SYT1: variants seen among roughly 807,000 people sequenced by gnomAD.
SYT1 encodes the protein synaptotagmin-1.
In SYT1, 8 loss-of-function variants were observed where a neutral mutation model predicts 44.8. The observed-to-expected ratio is 0.18, with a 90% confidence interval of 0.10 to 0.32. SYT1 has a LOEUF of 0.32. Ranked by LOEUF, SYT1 falls within the 10% of genes least tolerant of loss-of-function variation. The pLI is 1.00. For missense variants in SYT1, 286 were observed against 509.3 expected (o/e 0.56, Z 4.22); for synonymous variants, 154 against 188.8 (o/e 0.82, Z 1.51).
At chr12:79,099,620 CA>C (rs1480936284) in intron 3 of SYT1, among the ~76,000 whole-genome samples, 1 of 151,596 alleles carries the variant, frequency 6.6e-6, no homozygotes, top group Admixed American at 6.6e-5. Context: ...TCATTTCTAA[CA>C]ATGTGAAGAA....
At chr12:79,324,997 A>C (rs2138992510) in intron 8 of SYT1, among the ~76,000 whole-genome samples, 1 of 152,356 alleles carries the variant, frequency 6.6e-6, no homozygotes, top group South Asian at 2.1e-4. Context: ...CTGTGTTATA[A>C]GTAGCCATCA....
At chr12:79,378,918 A>G (rs1884108188) in intron 9 of SYT1, among the ~76,000 whole-genome samples, 1 of 152,208 alleles carries the variant, frequency 6.6e-6, no homozygotes, top group Non-Finnish European at 1.5e-5. Flanking sequence ...AACTTAGGAA[A>G]TTTATGGAAG....
chr12:79,055,360 A>G (rs1200396311), intron 3 of SYT1, among the ~76,000 whole-genome samples: 1 of 152,016 alleles, frequency 6.6e-6, no homozygotes, highest in Non-Finnish European at 1.5e-5. Flanking sequence ...TGTCTAGTCA[A>G]AAGAGATAAA....
At chr12:79,181,015 G>T (rs183677099) in intron 3 of SYT1, among the ~76,000 whole-genome samples, 1 of 152,032 alleles carries the variant, frequency 6.6e-6, no homozygotes, top group African/African-American at 2.4e-5. Flanking sequence ...CATTCTCCTT[G>T]CTGCCGCCAC....
intron 4 of SYT1, among the ~76,000 whole-genome samples, chr12:79,264,523 A>G (rs1270294766): frequency 6.6e-6 from 1 of 152,212 alleles, no homozygotes; most frequent in Non-Finnish European, 1.5e-5. Flanking sequence ...TTTTGAAGGA[A>G]AAAAGAAAGC....
intron 1 of SYT1, among the ~76,000 whole-genome samples, chr12:78,924,597 C>T (rs897981980): frequency 2.7e-5 from 4 of 148,188 alleles, no homozygotes; most frequent in East Asian, 3.9e-4. Flanking sequence ...TATGTCATTA[C>T]ATATAATACA....
chr12:79,355,851 C>A (rs1457254413), intron 9 of SYT1, among the ~76,000 whole-genome samples: 1 of 152,090 alleles, frequency 6.6e-6, no homozygotes, highest in Non-Finnish European at 1.5e-5. Context: ...GTTCTGAGCA[C>A]TAGGTTTACA....
chr12:79,164,334 T>A (rs143761223), intron 3 of SYT1, among the ~76,000 whole-genome samples: 229 of 152,230 alleles, frequency 1.5e-3, no homozygotes, highest in African/African-American at 5.2e-3. Flanking sequence ...AACTATTAAT[T>A]CATCTAAACT....
chr12:79,064,705 G>T (rs1384894184), intron 3 of SYT1, among the ~76,000 whole-genome samples: 1 of 151,736 alleles, frequency 6.6e-6, no homozygotes, highest in Non-Finnish European at 1.5e-5. Flanking sequence ...ATGTGTGTGT[G>T]TTGGGGGGTA....
chr12:78,951,933 C>G (rs760365063), intron 1 of SYT1, among the ~76,000 whole-genome samples: 7 of 152,060 alleles, frequency 4.6e-5, no homozygotes, highest in Non-Finnish European at 5.9e-5. Flanking sequence ...CTCCAGCTTT[C>G]GAAGGAGACT....
chr12:79,311,549 C>G (rs1241766091), intron 8 of SYT1, among the ~76,000 whole-genome samples: 1 of 147,122 alleles, frequency 6.8e-6, no homozygotes, highest in African/African-American at 2.5e-5. Flanking sequence ...AATCATGCTG[C>G]TATAAAGACA....
At chr12:78,888,328 G>T (rs1215746779) in intron 1 of SYT1, among the ~76,000 whole-genome samples, 1 of 151,340 alleles carries the variant, frequency 6.6e-6, no homozygotes. Context: ...CAATTACCCT[G>T]GTAAATGGAT....
intron 8 of SYT1, among the ~76,000 whole-genome samples, chr12:79,316,905 A>G (rs1881114883): frequency 6.6e-6 from 1 of 152,244 alleles, no homozygotes. Flanking sequence ...TCAAATGAGC[A>G]TAGAACTCGG....
At chr12:79,149,823 A>G (rs192276065) in intron 3 of SYT1, among the ~76,000 whole-genome samples, 39 of 152,300 alleles carry the variant, frequency 2.6e-4, no homozygotes, top group African/African-American at 9.1e-4. Flanking sequence ...TATTCATAAT[A>G]GACCATAAAC....
intron 2 of SYT1, among the ~76,000 whole-genome samples, chr12:79,039,227 A>T (rs535840484): frequency 6.6e-6 from 1 of 152,200 alleles, no homozygotes; most frequent in East Asian, 1.9e-4. Flanking sequence ...AGATACAAAA[A>T]AACACTAAAA....
At chr12:79,343,563 C>T (rs1360971749) in intron 8 of SYT1, among the ~76,000 whole-genome samples, 3 of 152,142 alleles carry the variant, frequency 2.0e-5, no homozygotes, top group Non-Finnish European at 4.4e-5. Context: ...CCTAAGTAGC[C>T]TGACTATAGA....
chr12:79,386,812 G>A lies in SYT1; in HGVS notation c.928+33193G>A, dbSNP rs7316868. ...CGTGCATCCATGGGTCTGTAGTTGCGCCTATAGCATTCTCATTGCTACTTC... is the reference window on the plus strand; with the variant it reads ...CGTGCATCCATGGGTCTGTAGTTGCACCTATAGCATTCTCATTGCTACTTC... On this transcript the variant is annotated intron_variant, in intron 9 of 10. Coordinates refer to ENST00000261205, the MANE Select transcript of SYT1 (RefSeq NM_005639.3). 4.5e-3 allele frequency among the ~76,000 whole-genome samples: 681 copies of A among 152,154 alleles called. 3 individuals are homozygous for A. The highest frequency in any genetic ancestry group is 0.014 in the African/African-American group (588 of 41,484).
At chr12:79,411,228 G>C (rs1868410661) in intron 9 of SYT1, among the ~76,000 whole-genome samples, 1 of 152,134 alleles carries the variant, frequency 6.6e-6, no homozygotes, top group Non-Finnish European at 1.5e-5. Context: ...ATGGACCTGT[G>C]TGGCACATGA....
At chr12:79,236,742 G>A (rs1296812538) in intron 4 of SYT1, among the ~76,000 whole-genome samples, 3 of 152,046 alleles carry the variant, frequency 2.0e-5, no homozygotes, top group Admixed American at 2.0e-4. Flanking sequence ...GCTTGATGAT[G>A]GGATATAAAA....
Sources: allele counts gnomAD v4.1 joint callset (sites outside exome capture counted in the v4.1 genomes callset), GRCh38; gene constraint gnomAD v4.1.1; transcripts MANE v1.5; gene names NCBI Gene and HGNC (gene_info 2026-07-23, HGNC 2026-07-21).